Variants in CHM observed in about 807,000 individuals in gnomAD.
The protein encoded by CHM is rab proteins geranylgeranyltransferase component A 1.
Under a neutral mutation model 49.0 loss-of-function variants are expected in CHM, and 10 were observed. That is an observed-to-expected ratio of 0.20 (90% CI 0.13 to 0.35). The LOEUF is 0.35. CHM is among the 10% of genes least tolerant of loss of function. The pLI is 1.00. For synonymous variants in CHM, 184 were observed against 167.5 expected (o/e 1.10, Z -0.76); for missense variants, 455 against 478.4 (o/e 0.95, Z 0.46).
chrX:85,881,355 T>C (rs1349345873), intron 12 of CHM, among the ~76,000 whole-genome samples: 7 of 112,514 alleles, frequency 6.2e-5, no homozygotes, highest in Non-Finnish European at 5.6e-5. Flanking sequence ...GATATATCTA[T>C]AAAATTCTCA....
chrX:85,889,841 C>T (rs1455289783), intron 12 of CHM, among the ~76,000 whole-genome samples: 1 of 112,195 alleles, frequency 8.9e-6, no homozygotes, highest in African/African-American at 3.2e-5. Flanking sequence ...AAATGTGGTA[C>T]ATATACAGCA....
intron 4 of CHM, among the ~76,000 whole-genome samples, chrX:85,974,141 C>T (rs1216819165): frequency 8.9e-6 from 1 of 111,954 alleles, no homozygotes; most frequent in African/African-American, 3.2e-5. Context: ...AAAGACAATA[C>T]CATTTATAAT....
rs182513927 is a variant in CHM at position 86,016,683 on chromosome X, C to T, written c.116+10808G>A. On this transcript the variant is annotated intron_variant, in intron 2 of 14. Coordinates refer to ENST00000357749, the MANE Select transcript of CHM (RefSeq NM_000390.4). The stretch of plus-strand genomic sequence containing the variant: ...CCCAGACAGAAGTTTTCTGCAGGGG[C>T]GGGGTGCTCATGGAGAACCTCTGCT... 1.3e-4 allele frequency among the ~76,000 whole-genome samples: 15 copies of T among 112,297 alleles called. No homozygotes were observed. In the East Asian group the frequency reaches 4.2e-3, roughly 32 times the overall value.
intron 1 of CHM, among the ~76,000 whole-genome samples, chrX:86,041,759 CATATAT>C (rs1934478565): frequency 1.5e-5 from 1 of 64,604 alleles, no homozygotes; most frequent in Non-Finnish European, 3.0e-5. Flanking sequence ...TATATATATA[CATATAT>C]ATATAAAAAA....
intron 7 of CHM, among the ~76,000 whole-genome samples, chrX:85,956,772 A>G: frequency 8.9e-6 from 1 of 111,806 alleles, no homozygotes; most frequent in East Asian, 2.8e-4. Context: ...TTAAAATGAT[A>G]AATATGTGAG....
At chrX:85,994,049 A>G (rs1219982892) in intron 2 of CHM, among the ~76,000 whole-genome samples, 2 of 111,807 alleles carry the variant, frequency 1.8e-5, no homozygotes, top group Non-Finnish European at 3.8e-5. Flanking sequence ...TCATCTCTGA[A>G]TCCTTAATGC....
intron 2 of CHM, among the ~76,000 whole-genome samples, chrX:85,995,343 T>G (rs1932393147): frequency 9.4e-6 from 1 of 106,879 alleles, no homozygotes; most frequent in African/African-American, 3.4e-5. Flanking sequence ...ACACTTCAAC[T>G]TTTTACAGGT....
chrX:85,999,852 T>C (rs1286178772), intron 2 of CHM, among the ~76,000 whole-genome samples: 1 of 112,059 alleles, frequency 8.9e-6, no homozygotes, highest in Non-Finnish European at 1.9e-5. Flanking sequence ...CAGAAATTTA[T>C]GGCAACACAA....
chrX:86,006,294 A>G (rs745641629), intron 2 of CHM, among the ~76,000 whole-genome samples: 67 of 111,683 alleles, frequency 6.0e-4, no homozygotes, highest in Non-Finnish European at 9.2e-4. Flanking sequence ...TGACAAACCC[A>G]CAGCCAGTGT....
At chrX:85,923,038 A>G (rs1927882645) in intron 8 of CHM, among the ~76,000 whole-genome samples, 1 of 111,876 alleles carries the variant, frequency 8.9e-6, no homozygotes, top group African/African-American at 3.3e-5. Context: ...AGTCAAGTGT[A>G]TAACTTTAGT....
chrX:85,883,508 G>A (rs1924888379), intron 12 of CHM, among the ~76,000 whole-genome samples: 2 of 110,450 alleles, frequency 1.8e-5, no homozygotes, highest in South Asian at 3.8e-4. Flanking sequence ...GTCTATAGTC[G>A]GCTTATACTT....
chrX:85,876,461 GTA>G (rs765299363), intron 13 of CHM, among the ~76,000 whole-genome samples: 5 of 111,761 alleles, frequency 4.5e-5, no homozygotes, highest in Non-Finnish European at 9.4e-5. Context: ...GTGCTTTAAT[GTA>G]TTAGAAGTTC....
chrX:85,906,534 T>C (rs1438680833), intron 9 of CHM, among the ~76,000 whole-genome samples: 1 of 111,736 alleles, frequency 8.9e-6, no homozygotes, highest in Non-Finnish European at 1.9e-5. Flanking sequence ...AGTTAAACAA[T>C]TGCTCAAGTA....
Position 85,944,918 on chromosome X carries a change from G to C in CHM, c.1166+11235C>G, listed in dbSNP as rs761013622. On this transcript the variant is annotated intron_variant, in intron 8 of 14. Transcript: ENST00000357749. Reference sequence around the variant, plus strand: ...ATGGAAGACCTGACAAGGAAAACGTGGTACATCTACACCATGGAATACTAT... The same window carrying C: ...ATGGAAGACCTGACAAGGAAAACGTCGTACATCTACACCATGGAATACTAT... Among the ~76,000 whole-genome samples, 4 of 111,019 alleles carry C rather than the reference G, an allele frequency of 3.6e-5. No homozygotes were observed. The South Asian group carries it at 1.1e-3, about 32-fold the overall frequency.
Position 85,878,899 on chromosome X carries a change from T to C in CHM, c.1609+66A>G, listed in dbSNP as rs565063907. ...GTTCAGGTTGCAGAAACTTTCATGA[T>C]ATATCTAAGAAGATTATGATGGTTA... On this transcript the variant is annotated intron_variant, in intron 13 of 14. Transcript: ENST00000357749. The C allele has an allele frequency of 8.2e-5, 66 of 801,220 alleles. No homozygotes were observed. The South Asian group carries it at 1.2e-3, about 15-fold the overall frequency. 66.0% of individuals were successfully genotyped at this position (801,220 alleles called of 1,213,427 possible). A position where few individuals can be genotyped will look rare whatever the true frequency, so the allele number is the denominator to read the frequency against.
At chrX:85,972,596 C>A (rs1930999300) in intron 4 of CHM, among the ~76,000 whole-genome samples, 1 of 113,227 alleles carries the variant, frequency 8.8e-6, no homozygotes, top group Non-Finnish European at 1.9e-5. Flanking sequence ...CAGCCACTGG[C>A]CCGGGTGCTA....
At chrX:85,908,571 T>C (rs1007368670) in intron 9 of CHM, among the ~76,000 whole-genome samples, 1 of 111,884 alleles carries the variant, frequency 8.9e-6, no homozygotes, top group Admixed American at 9.5e-5. Context: ...GAGAATATTG[T>C]AGATGACAGT....
At chrX:85,965,787 T>C (rs1011213217) in intron 4 of CHM, among the ~76,000 whole-genome samples, 3 of 111,530 alleles carry the variant, frequency 2.7e-5, no homozygotes, top group Non-Finnish European at 3.8e-5. Context: ...GTAATTCTAA[T>C]AAAATCTAGT....
chrX:85,961,649 A>T (rs1930303255), intron 5 of CHM, among the ~76,000 whole-genome samples: 1 of 110,263 alleles, frequency 9.1e-6, no homozygotes, highest in African/African-American at 3.3e-5. Flanking sequence ...AATCTCCTGT[A>T]TTACTATGGT....
Sources: allele counts gnomAD v4.1 joint callset (sites outside exome capture counted in the v4.1 genomes callset), GRCh38; gene constraint gnomAD v4.1.1; transcripts MANE v1.5; gene names NCBI Gene and HGNC (gene_info 2026-07-23, HGNC 2026-07-21).